ZSWIM6: variants seen among roughly 807,000 people sequenced by gnomAD.
ZSWIM6 encodes the protein zinc finger SWIM-type containing 6.
In ZSWIM6, 9 loss-of-function variants were observed where a neutral mutation model predicts 113.2. The observed-to-expected ratio is 0.08, with a 90% CI of 0.05 to 0.14. The LOEUF is 0.14. ZSWIM6 is among the 10% of genes least tolerant of loss of function. The probability of loss-of-function intolerance (pLI) is 1.00; values close to 1 mark genes in which losing one functional copy is unlikely to be tolerated. For synonymous variants in ZSWIM6, 611 were observed against 606.5 expected (o/e 1.01, Z -0.11); for missense variants, 1,162 against 1,552.2 (o/e 0.75, Z 4.22).
rs1166520591 is a variant in ZSWIM6 at position 61,354,778 on chromosome 5, G to T, written c.676+21830G>T. Reference sequence around the variant, plus strand: ...CCCTGGATTTTGAATATTAAGGACAGTTGAGGGAGTTTCTCAAAGCACCAT... The same window carrying T: ...CCCTGGATTTTGAATATTAAGGACATTTGAGGGAGTTTCTCAAAGCACCAT... On this transcript the variant is annotated intron_variant, in intron 1 of 13. Transcript: ENST00000252744. 2.6e-5 allele frequency among the ~76,000 whole-genome samples: 4 copies of T among 152,164 alleles called. 1 individual carries two copies. The highest frequency in any genetic ancestry group is 6.5e-5 in the Admixed American group (1 of 15,278).
chr5:61,422,852 A>G (rs1183470908), intron 1 of ZSWIM6, among the ~76,000 whole-genome samples: 1 of 151,910 alleles, frequency 6.6e-6, no homozygotes, highest in South Asian at 2.1e-4. Flanking sequence ...GATTTTTCAG[A>G]TTGTTTGCTG....
At chr5:61,406,097 T>G (rs1746038095) in intron 1 of ZSWIM6, among the ~76,000 whole-genome samples, 1 of 152,180 alleles carries the variant, frequency 6.6e-6, no homozygotes, top group Non-Finnish European at 1.5e-5. Flanking sequence ...TTCTCTTCCC[T>G]CCAGTCTTGG....
At chr5:61,477,653 T>A (rs957601239) in intron 2 of ZSWIM6, among the ~76,000 whole-genome samples, 7 of 152,236 alleles carry the variant, frequency 4.6e-5, no homozygotes, top group African/African-American at 1.7e-4. Flanking sequence ...GGCCGCCTTG[T>A]ATATCAGTCT....
At chr5:61,505,211 A>G (rs1229061279) in intron 4 of ZSWIM6, among the ~76,000 whole-genome samples, 1 of 152,254 alleles carries the variant, frequency 6.6e-6, no homozygotes, top group Non-Finnish European at 1.5e-5. Context: ...GAACACATGG[A>G]AAATGTTCTT....
chr5:61,488,300 G>C (rs895618953), intron 2 of ZSWIM6, among the ~76,000 whole-genome samples: 3 of 151,860 alleles, frequency 2.0e-5, no homozygotes, highest in Non-Finnish European at 4.4e-5. Flanking sequence ...TGTTCATCAG[G>C]GATATTGGTC....
intron 1 of ZSWIM6, among the ~76,000 whole-genome samples, chr5:61,417,431 A>G (rs1048367384): frequency 1.3e-5 from 2 of 152,192 alleles, no homozygotes; most frequent in Non-Finnish European, 2.9e-5. Flanking sequence ...GAAGCCTTCA[A>G]ATGGGTAGAA....
intron 11 of ZSWIM6, among the ~76,000 whole-genome samples, chr5:61,539,204 T>A (rs1749662102): frequency 6.6e-6 from 1 of 152,226 alleles, no homozygotes; most frequent in Admixed American, 6.5e-5. Flanking sequence ...TAAGAAAATA[T>A]AAATGGTTGA....
At chr5:61,532,605 A>G (rs1252975599) in intron 9 of ZSWIM6, among the ~76,000 whole-genome samples, 2 of 152,218 alleles carry the variant, frequency 1.3e-5, no homozygotes, top group Non-Finnish European at 2.9e-5. Context: ...TATTTGTCCA[A>G]AGCAAAAGAT....
chr5:61,512,078 C>T (rs113561162), intron 4 of ZSWIM6, among the ~76,000 whole-genome samples: 9 of 151,976 alleles, frequency 5.9e-5, no homozygotes, highest in African/African-American at 2.2e-4. Flanking sequence ...ATGTAACCAC[C>T]ACCACAATCA....
intron 1 of ZSWIM6, among the ~76,000 whole-genome samples, chr5:61,427,473 TC>T (rs1746485041): frequency 6.6e-6 from 1 of 152,120 alleles, no homozygotes; most frequent in South Asian, 2.1e-4. Flanking sequence ...TGAACTTTTC[TC>T]CCCCAGATAT....
At chr5:61,435,749 G>A (rs1035089681) in intron 1 of ZSWIM6, among the ~76,000 whole-genome samples, 1 of 151,890 alleles carries the variant, frequency 6.6e-6, no homozygotes, top group Admixed American at 6.6e-5. Context: ...TATTTTATAA[G>A]GTTCATTTTT....
chr5:61,485,747 G>A (rs1170143496), intron 2 of ZSWIM6, among the ~76,000 whole-genome samples: 1 of 151,798 alleles, frequency 6.6e-6, no homozygotes, highest in Non-Finnish European at 1.5e-5. Context: ...ATGTATTTTC[G>A]CCCCTCAATT....
At chr5:61,369,363 T>C (rs149476070) in intron 1 of ZSWIM6, among the ~76,000 whole-genome samples, 1 of 152,352 alleles carries the variant, frequency 6.6e-6, no homozygotes, top group African/African-American at 2.4e-5. Flanking sequence ...GGTCATTGGA[T>C]CAAACTCAAA....
intron 1 of ZSWIM6, among the ~76,000 whole-genome samples, chr5:61,340,178 G>A (rs907980528): frequency 6.6e-6 from 1 of 152,110 alleles, no homozygotes. Context: ...CCTAAAGCAA[G>A]CTTCAGAGAC....
chr5:61,367,087 G>A (rs1745174269), intron 1 of ZSWIM6, among the ~76,000 whole-genome samples: 1 of 152,136 alleles, frequency 6.6e-6, no homozygotes, highest in South Asian at 2.1e-4. Flanking sequence ...ATTTGGTGTG[G>A]AGCCATAGCC....
chr5:61,519,963 C>T (rs1358359979), intron 4 of ZSWIM6, among the ~76,000 whole-genome samples: 1 of 152,108 alleles, frequency 6.6e-6, no homozygotes, highest in Non-Finnish European at 1.5e-5. Flanking sequence ...GAATCTAATG[C>T]CACCGCTGAT....
intron 1 of ZSWIM6, chr5:61,391,561 G>A (rs1745714760): frequency 1.0e-6 from 1 of 954,586 alleles, no homozygotes. Flanking sequence ...AGCGAAGACA[G>A]TATTGAAGGT....
rs141614339 is a variant in ZSWIM6, at chr5:61,380,656, A to T, written c.676+47708A>T. Among the ~76,000 whole-genome samples, 293 of 152,274 alleles carry T rather than the reference A, an allele frequency of 1.9e-3. 2 individuals are homozygous for T. The highest frequency in any genetic ancestry group is 6.9e-3 in the African/African-American group (287 of 41,544). ...ACTGTTTGGCACCTAGCAGGTACTC[A>T]AGAAATGTTTACTGGAAAATGTTAA... On this transcript the variant is annotated intron_variant, in intron 1 of 13. Transcript: ENST00000252744.
chr5:61,534,040 T>C (rs1025553689), intron 9 of ZSWIM6, among the ~76,000 whole-genome samples: 9 of 152,190 alleles, frequency 5.9e-5, no homozygotes, highest in Non-Finnish European at 1.0e-4. Flanking sequence ...CATTTTACTT[T>C]AATGCAGGCC....
Sources: gnomAD v4.1 joint callset for allele counts (sites outside exome capture counted in the v4.1 genomes callset) on GRCh38, gnomAD v4.1.1 for gene constraint, MANE v1.5 for transcripts, NCBI Gene and HGNC (gene_info 2026-07-23, HGNC 2026-07-21) for gene names.